The following PATE1 variants were observed in gnomAD, a reference collection of about 807,000 sequenced individuals.
The protein encoded by PATE1 is prostate and testis expressed 1, also known as prostate and testis expressed protein 1.
PATE1 carries 21 observed loss-of-function variants against 13.1 expected under a neutral mutation model. That is an observed-to-expected ratio of 1.61 (90% CI 1.14 to 2.31). The LOEUF (loss-of-function observed/expected upper bound fraction) is 2.31, where lower values mean the gene tolerates loss of function less well. PATE1 is among the 30% of genes most tolerant of loss of function. PATE1 has a pLI of 0.00. For synonymous variants in PATE1, 52 were observed against 47.1 expected (o/e 1.10, Z -0.43); for missense variants, 166 against 147.2 (o/e 1.13, Z -0.66).
At chr11:125,747,580 C>A in intron 3 of PATE1, 120 bp from the exon 4 acceptor site, 3 of 1,483,158 alleles carry the variant, frequency 2.0e-6, no homozygotes, top group East Asian at 4.5e-5. Flanking sequence ...GAGGTTCACG[C>A]TTGATGGGCT....
In PATE1 at chr11:125,748,717, G is replaced by T; in HGVS notation, c.365G>T (p.Cys122Phe). 1 of 1,613,696 alleles carries T rather than the reference G, an allele frequency of 6.2e-7. No homozygotes were observed. The highest frequency in any genetic ancestry group is 8.5e-7 in the Non-Finnish European group (1 of 1,179,822). ...AGGTGCTGCAGGAGCCATGACCTGTGCAATGAAGACCTTTAGAAGTTAATG... is the reference window on the plus strand; with the variant it reads ...AGGTGCTGCAGGAGCCATGACCTGTTCAATGAAGACCTTTAGAAGTTAATG... ...NFRCCRSHDL[C>F]NEDL The change falls in exon 5 of 5, where the codon TGC (cysteine) becomes TTC (phenylalanine). Residue 122 changes from cysteine to phenylalanine, a missense_variant. Cys to Phe is a radical substitution (Grantham distance 205). Transcript: ENST00000305738.
chr11:125,749,225 C>T lies in PATE1; in HGVS notation c.*492C>T, dbSNP rs73024026. Reference sequence around the variant, plus strand: ...GGAGTAGCAACATAAAAAGAAGTGGCTCAAGTCTTCTTGGAGTTTGTTCAT... The same window carrying T: ...GGAGTAGCAACATAAAAAGAAGTGGTTCAAGTCTTCTTGGAGTTTGTTCAT... On this transcript the variant is annotated 3_prime_UTR_variant, in exon 5 of 5. Transcript: ENST00000305738. The T allele has an allele frequency of 0.097, 14,772 of 152,310 alleles. 836 individuals carry two copies. Among genetic ancestry groups the T allele is most frequent in the East Asian group, 0.21 (1,061 of 5,174 alleles). The allele number at this position is 152,310 out of a possible 1,614,324, so 9.4% of individuals were successfully genotyped here.
chr11:125,747,588 G>A, intron 3 of PATE1, 112 bp from the exon 4 acceptor site: 1 of 1,503,466 alleles, frequency 6.7e-7, no homozygotes, highest in East Asian at 2.3e-5. Flanking sequence ...CGCTTGATGG[G>A]CTCTGGCAAA....
chr11:125,747,425 G>A lies in PATE1; in HGVS notation c.124+14G>A, dbSNP rs1943283301. ...ACAATTTTCCTGGTAAGTATGAAGAGGACCTGTCTGATCACCTCAGTCTTG... is the reference window on the plus strand; with the variant it reads ...ACAATTTTCCTGGTAAGTATGAAGAAGACCTGTCTGATCACCTCAGTCTTG... On this transcript the variant is annotated intron_variant, in intron 3 of 4. Transcript: ENST00000305738. The A allele has an allele frequency of 1.2e-6, 2 of 1,605,638 alleles. No individual in the cohort carries two copies. The highest frequency in any genetic ancestry group is 1.7e-6 in the Non-Finnish European group (2 of 1,173,088).
In PATE1 at chr11:125,747,444, A is replaced by C. The variant is rs780647102; in HGVS notation, c.124+33A>C. 1.7e-5 allele frequency: 27 copies of C among 1,586,458 alleles called. No homozygotes were observed. In the South Asian group the frequency reaches 3.0e-4, roughly 18 times the overall value. ...TGAAGAGGACCTGTCTGATCACCTC[A>C]GTCTTGATAATGTTTCACTTTTCCT... On this transcript the variant is annotated intron_variant, in intron 3 of 4. Coordinates refer to ENST00000305738, the MANE Select transcript of PATE1 (RefSeq NM_138294.3).
chr11:125,748,879 G>A lies in PATE1; in HGVS notation c.*146G>A, dbSNP rs1017659951. On this transcript the variant is annotated 3_prime_UTR_variant, in exon 5 of 5. Transcript: ENST00000305738. ...ACACATGGCTCCATCTTCTGCACAC[G>A]AAAGGAAAGTCCCTCTCCTTTTCTA... 15 of 984,240 alleles carry A rather than the reference G, an allele frequency of 1.5e-5. No homozygotes were observed. Among genetic ancestry groups the A allele is most frequent in the Admixed American group, 2.7e-5 (1 of 36,794 alleles). 61.0% of individuals were successfully genotyped at this position (984,240 alleles called of 1,614,324 possible).
chr11:125,747,412 G>A lies in PATE1; in HGVS notation c.124+1G>A, dbSNP rs370118013. 2.7e-5 allele frequency: 43 copies of A among 1,611,744 alleles called. No homozygotes were observed. Among genetic ancestry groups the A allele is most frequent in the Middle Eastern group, 1.7e-4 (1 of 6,044 alleles). ...GTTGCTGTGAAAAACAATTTTCCTGGTAAGTATGAAGAGGACCTGTCTGAT... is the reference window on the plus strand; with the variant it reads ...GTTGCTGTGAAAAACAATTTTCCTGATAAGTATGAAGAGGACCTGTCTGAT... On this transcript the variant is annotated splice_donor_variant, in intron 3 of 4. Coordinates refer to ENST00000305738, the MANE Select transcript of PATE1 (RefSeq NM_138294.3). LOFTEE classifies it high-confidence loss of function.
At chr11:125,746,490 T>G in intron 1 of PATE1, 134 bp downstream of exon 1, 2 of 1,295,854 alleles carry the variant, frequency 1.5e-6, no homozygotes, top group Non-Finnish European at 2.2e-6. Flanking sequence ...TGTTATGCCT[T>G]CTACCAGGGG....
intron 2 of PATE1, 83 bp from the exon 3 acceptor site, chr11:125,747,293 C>A: frequency 7.4e-7 from 1 of 1,355,158 alleles, no homozygotes; most frequent in South Asian, 1.2e-5. Context: ...AGGATGGACC[C>A]TGAAGGGCAG....
chr11:125,746,384 AG>A, intron 1 of PATE1, 28 bp downstream of exon 1: 1 of 1,610,188 alleles, frequency 6.2e-7, no homozygotes, highest in Non-Finnish European at 8.5e-7. Context: ...ACAGCTGGTA[AG>A]AGTCCTGAAT....
At position 125,748,597 on chromosome 11, in the gene PATE1, C is replaced by T; in HGVS notation, c.248-3C>T. Reference sequence around the variant, plus strand: ...CCTGATCTGTTTTTTCTCCCCTCCACAGGGGATGGTAATCCCTGGTTAACC... The same window carrying T: ...CCTGATCTGTTTTTTCTCCCCTCCATAGGGGATGGTAATCCCTGGTTAACC... On this transcript the variant is annotated splice_region_variant and splice_polypyrimidine_tract_variant and intron_variant, in intron 4 of 4. Coordinates refer to ENST00000305738, the MANE Select transcript of PATE1 (RefSeq NM_138294.3). 6.2e-7 allele frequency: 1 copy of T among 1,612,954 alleles called. No individual in the cohort carries two copies. The highest frequency in any genetic ancestry group is 8.5e-7 in the Non-Finnish European group (1 of 1,179,634).
intron 3 of PATE1, 106 bp from the exon 4 acceptor site, chr11:125,747,594 G>A: frequency 6.6e-7 from 1 of 1,514,404 alleles, no homozygotes; most frequent in Non-Finnish European, 9.0e-7. Context: ...ATGGGCTCTG[G>A]CAAAGCCCTG....
intron 4 of PATE1, 129 bp from the exon 5 acceptor site, chr11:125,748,471 T>C: frequency 8.5e-7 from 1 of 1,172,442 alleles, no homozygotes; most frequent in Admixed American, 2.8e-5. Flanking sequence ...CTTCCAGTTC[T>C]TTACATTTGA....
chr11:125,747,281 G>A (rs1943281022), intron 2 of PATE1, 95 bp from the exon 3 acceptor site: 2 of 1,163,616 alleles, frequency 1.7e-6, no homozygotes, highest in Admixed American at 1.7e-5. Context: ...GTTTAAGAGT[G>A]CAGGATGGAC....
chr11:125,747,896 A>G, intron 4 of PATE1, 74 bp downstream of exon 4: 1 of 1,592,106 alleles, frequency 6.3e-7, no homozygotes, highest in Non-Finnish European at 8.6e-7. Context: ...AGGGGAAAGG[A>G]GAGATCTTAC....
rs755539113 is a variant in PATE1, at chr11:125,747,834, G to A, written c.247+12G>A. The stretch of plus-strand genomic sequence containing the variant: ...AAGGATGTTCAAAAGTAAGTTGTGG[G>A]TTGGGGAAAAGAAGAACGGGCAGAG... On this transcript the variant is annotated intron_variant, in intron 4 of 4. Coordinates refer to ENST00000305738, the MANE Select transcript of PATE1 (RefSeq NM_138294.3). 3.7e-6 allele frequency: 6 copies of A among 1,613,552 alleles called. No homozygotes were observed. The South Asian group carries it at 5.5e-5, about 15-fold the overall frequency.
chr11:125,746,443 C>G, intron 1 of PATE1, 87 bp downstream of exon 1: 2 of 1,450,812 alleles, frequency 1.4e-6, no homozygotes, highest in South Asian at 2.3e-5. Context: ...TCATGGGAGT[C>G]CTATGGCAAC....
intron 2 of PATE1, 69 bp from the exon 3 acceptor site, chr11:125,747,307 A>G: frequency 1.4e-6 from 2 of 1,478,512 alleles, no homozygotes; most frequent in Non-Finnish European, 1.9e-6. Flanking sequence ...AGGGCAGACT[A>G]TAAGAACCCA....
In PATE1 at chr11:125,748,827, CACACACACT is replaced by C; in HGVS notation, c.*98_*106del. 7.0e-7 allele frequency: 1 copy of C among 1,432,652 alleles called. No individual in the cohort carries two copies. Among genetic ancestry groups the C allele is most frequent in the Non-Finnish European group, 9.5e-7 (1 of 1,050,234 alleles). 88.7% of individuals were successfully genotyped at this position (1,432,652 alleles called of 1,614,324 possible). A position where few individuals can be genotyped will look rare whatever the true frequency, so the allele number is the denominator to read the frequency against. On this transcript the variant is annotated 3_prime_UTR_variant, in exon 5 of 5. Coordinates refer to ENST00000305738, the MANE Select transcript of PATE1 (RefSeq NM_138294.3). The stretch of plus-strand genomic sequence containing the variant: ...TTCTAAAAAAAATCACACACACACA[CACACACACT>C]ACAGAAGAGGATTGCAAACACATGG...
Sources: allele counts gnomAD v4.1 joint callset, GRCh38; gene constraint gnomAD v4.1.1; transcripts MANE v1.5; gene names NCBI Gene and HGNC (gene_info 2026-07-23, HGNC 2026-07-21).